Variants in EPB41L4B observed in about 807,000 individuals in gnomAD.
The protein encoded by EPB41L4B is band 4.1-like protein 4B.
EPB41L4B carries 30 observed loss-of-function variants against 112.5 expected under a neutral mutation model. The observed-to-expected ratio is 0.27, with a 90% CI of 0.20 to 0.36. The LOEUF is 0.36. EPB41L4B is among the 10% of genes least tolerant of loss of function. The pLI, the probability that EPB41L4B is intolerant of heterozygous loss-of-function variation, is 1.00. For missense variants in EPB41L4B, 1,024 were observed against 1,133.3 expected (o/e 0.90, Z 1.38); for synonymous variants, 408 against 439.7 (o/e 0.93, Z 0.90).
At chr9:109,271,235 G>A (rs1252084802) in intron 2 of EPB41L4B, among the ~76,000 whole-genome samples, 1 of 152,228 alleles carries the variant, frequency 6.6e-6, no homozygotes, top group East Asian at 1.9e-4. Flanking sequence ...ATTGTGGGCT[G>A]GGCTCCATCC....
At chr9:109,296,063 TC>T (rs1373407241) in intron 1 of EPB41L4B, among the ~76,000 whole-genome samples, 1 of 152,002 alleles carries the variant, frequency 6.6e-6, no homozygotes, top group Non-Finnish European at 1.5e-5. Context: ...GATTGCAGAT[TC>T]CCCCTCCATG....
intron 19 of EPB41L4B, among the ~76,000 whole-genome samples, chr9:109,200,757 A>G (rs1315434875): frequency 6.6e-6 from 1 of 152,092 alleles, no homozygotes; most frequent in Non-Finnish European, 1.5e-5. Flanking sequence ...TATTTTAAAC[A>G]TAGCACAGAC....
chr9:109,182,967 G>T (rs914869586), intron 23 of EPB41L4B, among the ~76,000 whole-genome samples, 170 bp from the exon 24 acceptor site: 2 of 152,212 alleles, frequency 1.3e-5, no homozygotes, highest in African/African-American at 4.8e-5. Context: ...GTGTGAGCTG[G>T]TGGTTGTATC....
At chr9:109,258,121 CACTT>C (rs1835052783) in intron 7 of EPB41L4B, 52 bp downstream of exon 7, 2 of 1,569,426 alleles carry the variant, frequency 1.3e-6, no homozygotes, top group East Asian at 2.3e-5. Flanking sequence ...GTGTGATCAA[CACTT>C]ATTTATGACA....
intron 6 of EPB41L4B, among the ~76,000 whole-genome samples, chr9:109,262,676 C>A (rs1835258115): frequency 6.6e-6 from 1 of 152,192 alleles, no homozygotes; most frequent in Non-Finnish European, 1.5e-5. Context: ...GCATGAAATT[C>A]TTTCTCTTTA....
chr9:109,319,241 C>T (rs1217951367), intron 1 of EPB41L4B, among the ~76,000 whole-genome samples: 1 of 152,236 alleles, frequency 6.6e-6, no homozygotes, highest in African/African-American at 2.4e-5. Flanking sequence ...GGACGCCCTG[C>T]AGCGGACCGC....
In EPB41L4B at chr9:109,315,034, C is replaced by A. The variant is rs573775664; in HGVS notation, c.306+5107G>T. ...CCCCTTCTCCTAGCCAGGCCCTCATCACCCCTTACCTGACAAATGCAATGG... is the reference window on the plus strand; with the variant it reads ...CCCCTTCTCCTAGCCAGGCCCTCATAACCCCTTACCTGACAAATGCAATGG... On this transcript the variant is annotated intron_variant, in intron 1 of 25. Coordinates refer to ENST00000374566, the MANE Select transcript of EPB41L4B (RefSeq NM_019114.5). Among the ~76,000 whole-genome samples, 3 of 152,286 alleles carry A rather than the reference C, an allele frequency of 2.0e-5. No individual in the cohort carries two copies. In the South Asian group the frequency reaches 6.2e-4, roughly 32 times the overall value.
At chr9:109,202,740 A>G (rs1832876673) in intron 19 of EPB41L4B, among the ~76,000 whole-genome samples, 1 of 152,190 alleles carries the variant, frequency 6.6e-6, no homozygotes, top group African/African-American at 2.4e-5. Flanking sequence ...GTGGATGATG[A>G]GAAATTACTT....
At chr9:109,279,741 A>G in intron 2 of EPB41L4B, 76 bp downstream of exon 2, 1 of 1,276,260 alleles carries the variant, frequency 7.8e-7, no homozygotes, top group Admixed American at 1.8e-5. Context: ...TTCTCTACCC[A>G]TTTCTAGCAA....
chr9:109,294,029 G>A (rs1328961099), intron 1 of EPB41L4B, among the ~76,000 whole-genome samples: 7 of 152,112 alleles, frequency 4.6e-5, no homozygotes, highest in East Asian at 3.9e-4. Flanking sequence ...ATTGTTGGCC[G>A]GGTGTGGTGG....
intron 2 of EPB41L4B, among the ~76,000 whole-genome samples, chr9:109,270,505 C>A (rs1233835919): frequency 2.0e-5 from 3 of 152,190 alleles, no homozygotes; most frequent in African/African-American, 7.2e-5. Flanking sequence ...AAGCTGAAAA[C>A]CCCCAACTTT....
chr9:109,250,734 A>G (rs929516690), intron 13 of EPB41L4B, among the ~76,000 whole-genome samples: 2 of 152,198 alleles, frequency 1.3e-5, no homozygotes, highest in African/African-American at 4.8e-5. Context: ...AATTATGCTC[A>G]CCAGATCATT....
At chr9:109,207,738 A>C (rs976226284) in intron 18 of EPB41L4B, among the ~76,000 whole-genome samples, 186 bp downstream of exon 18, 2 of 152,142 alleles carry the variant, frequency 1.3e-5, no homozygotes, top group Non-Finnish European at 2.9e-5. Flanking sequence ...TCACCCTTTC[A>C]TGTACCTAAT....
chr9:109,200,872 T>C (rs1832801670), intron 19 of EPB41L4B, among the ~76,000 whole-genome samples: 1 of 152,156 alleles, frequency 6.6e-6, no homozygotes, highest in South Asian at 2.1e-4. Context: ...TAATTCCATG[T>C]ATGTGTGAAA....
chr9:109,227,250 C>A (rs576101491), intron 15 of EPB41L4B, among the ~76,000 whole-genome samples: 5 of 152,170 alleles, frequency 3.3e-5, no homozygotes, highest in African/African-American at 1.2e-4. Flanking sequence ...CCCTTTCTCA[C>A]ATCATTCTTT....
chr9:109,258,771 A>G (rs552248527), intron 6 of EPB41L4B, among the ~76,000 whole-genome samples: 1 of 152,270 alleles, frequency 6.6e-6, no homozygotes, highest in African/African-American at 2.4e-5. Context: ...GAAAGTAGGA[A>G]GGGGAGGGAG....
chr9:109,217,979 T>TTGTTAC (rs1833435966), intron 15 of EPB41L4B, among the ~76,000 whole-genome samples: 1 of 152,024 alleles, frequency 6.6e-6, no homozygotes, highest in Non-Finnish European at 1.5e-5. Context: ...TAGACTCTTG[T>TTGTTAC]AACAGATTCC....
chr9:109,273,541 C>A (rs1267194576), intron 2 of EPB41L4B, among the ~76,000 whole-genome samples: 1 of 152,118 alleles, frequency 6.6e-6, no homozygotes, highest in East Asian at 1.9e-4. Flanking sequence ...GCCACCACAC[C>A]ACGCCCTGTG....
At chr9:109,294,233 A>C (rs552168998) in intron 1 of EPB41L4B, among the ~76,000 whole-genome samples, 1 of 149,428 alleles carries the variant, frequency 6.7e-6, no homozygotes, top group African/African-American at 2.5e-5. Context: ...TGAACTCAGG[A>C]GGTGAAGCTT....
Sources: allele counts gnomAD v4.1 joint callset (sites outside exome capture counted in the v4.1 genomes callset), GRCh38; gene constraint gnomAD v4.1.1; transcripts MANE v1.5; gene names NCBI Gene and HGNC (gene_info 2026-07-23, HGNC 2026-07-21).